Variants in KCNMA1 observed in about 807,000 individuals in gnomAD.
KCNMA1 encodes Calcium-activated potassium channel subunit alpha-1.
KCNMA1 carries 29 observed loss-of-function variants against 140.0 expected under a neutral mutation model. The observed-to-expected ratio is 0.21, with a 90% CI of 0.15 to 0.28. The LOEUF (loss-of-function observed/expected upper bound fraction) is 0.28, where lower values mean the gene tolerates loss of function less well. Among genes scored for constraint, KCNMA1 ranks in the 10% least tolerant of loss-of-function variants. The probability of loss-of-function intolerance (pLI) is 1.00; values close to 1 mark genes in which losing one functional copy is unlikely to be tolerated. For missense variants in KCNMA1, 880 were observed against 1,602.2 expected (o/e 0.55, Z 7.70); for synonymous variants, 612 against 611.9 (o/e 1.00, Z 0.00).
chr10:77,636,810 G>A, intron 1 of KCNMA1: 1 of 1,442,106 alleles, frequency 6.9e-7, no homozygotes, highest in South Asian at 1.5e-5. Context: ...TCCCCAACAG[G>A]TTCCTAAAGT....
intron 2 of KCNMA1, among the ~76,000 whole-genome samples, chr10:77,283,562 C>T (rs1421215121): frequency 6.6e-6 from 1 of 152,168 alleles, no homozygotes; most frequent in Non-Finnish European, 1.5e-5. Context: ...CTGTTGACAC[C>T]CCTATGGCTC....
intron 1 of KCNMA1, among the ~76,000 whole-genome samples, chr10:77,483,218 G>A (rs186145290): frequency 4.3e-4 from 66 of 152,212 alleles, no homozygotes; most frequent in Middle Eastern, 3.4e-3. Flanking sequence ...AATTGGCAGC[G>A]CCACTAACAG....
chr10:77,049,421 G>A (rs997090939), intron 14 of KCNMA1, among the ~76,000 whole-genome samples: 4 of 152,186 alleles, frequency 2.6e-5, no homozygotes, highest in African/African-American at 9.7e-5. Flanking sequence ...CTTAGTAAGT[G>A]CTCCATGTGT....
At chr10:76,969,852 C>T (rs1040757072) in intron 20 of KCNMA1, 122 bp downstream of exon 20, 2 of 758,654 alleles carry the variant, frequency 2.6e-6, no homozygotes, top group African/African-American at 3.4e-5. Context: ...GATCTCGCTC[C>T]CCTCCCCCAC....
At chr10:77,212,583 T>C (rs956166247) in intron 3 of KCNMA1, among the ~76,000 whole-genome samples, 3 of 152,178 alleles carry the variant, frequency 2.0e-5, no homozygotes, top group Non-Finnish European at 4.4e-5. Context: ...ATTAAAAATA[T>C]ATATTTTTAA....
At chr10:77,576,731 C>T (rs2074262136) in intron 1 of KCNMA1, among the ~76,000 whole-genome samples, 1 of 152,202 alleles carries the variant, frequency 6.6e-6, no homozygotes, top group Non-Finnish European at 1.5e-5. Context: ...TTCCCATCTG[C>T]AGGCCAGGGG....
intron 2 of KCNMA1, among the ~76,000 whole-genome samples, chr10:77,259,550 C>T (rs895393987): frequency 3.3e-5 from 5 of 152,122 alleles, no homozygotes; most frequent in African/African-American, 1.2e-4. Context: ...TGGTCTTTTC[C>T]TCCTCTCTGG....
intron 6 of KCNMA1, among the ~76,000 whole-genome samples, chr10:77,117,561 A>AAAAAGAAAAG (rs1554837395): frequency 2.0e-5 from 3 of 147,556 alleles, no homozygotes; most frequent in Admixed American, 6.7e-5. Context: ...AAAAAAAAAA[A>AAAAAGAAAAG]AAAAGAAAAG....
chr10:77,522,327 T>C (rs1603632482), intron 1 of KCNMA1, among the ~76,000 whole-genome samples: 1 of 152,014 alleles, frequency 6.6e-6, no homozygotes. Context: ...GCCTGAGATG[T>C]GCTTTCCCCC....
intron 2 of KCNMA1, among the ~76,000 whole-genome samples, chr10:77,363,638 C>A (rs2094146255): frequency 6.6e-6 from 1 of 152,256 alleles, no homozygotes; most frequent in African/African-American, 2.4e-5. Flanking sequence ...GCCCTCCTCT[C>A]CAGCCTCCTT....
chr10:77,354,741 A>G (rs186543274), intron 2 of KCNMA1: 2 of 152,222 alleles, frequency 1.3e-5, no homozygotes, highest in Admixed American at 1.3e-4. Flanking sequence ...AACTAAGAAG[A>G]GACTACAGAG....
Position 77,108,203 on chromosome 10 carries a change from G to T in KCNMA1, c.1223+278C>A. ...CTCACAGAAGCACCCGGTGGGGTTG[G>T]GGAGGGGCAGAATTCAGATGGCACC... On this transcript the variant is annotated intron_variant, in intron 9 of 27. Coordinates refer to ENST00000286628, the MANE Select transcript of KCNMA1 (RefSeq NM_001161352.2). The surrounding 1 kb of genome is among the most constrained non-coding windows in gnomAD (Gnocchi z 4.6). The T allele has an allele frequency of 2.7e-6, 3 of 1,098,854 alleles. No individual in the cohort carries two copies. Among genetic ancestry groups the T allele is most frequent in the Non-Finnish European group, 3.8e-6 (3 of 793,000 alleles). The allele number at this position is 1,098,854 out of a possible 1,614,324, so 68.1% of individuals were successfully genotyped here.
At chr10:76,939,087 G>A (rs983965044) in intron 23 of KCNMA1, 2 of 142,950 alleles carry the variant, frequency 1.4e-5, no homozygotes, top group African/African-American at 2.6e-5. Context: ...ATGCATTCAA[G>A]TCATCCACAG....
At chr10:77,205,968 T>C (rs1565206601) in intron 3 of KCNMA1, among the ~76,000 whole-genome samples, 1 of 152,196 alleles carries the variant, frequency 6.6e-6, no homozygotes, top group South Asian at 2.1e-4. Context: ...ATTATTTGTT[T>C]ATTATGAGCA....
intron 1 of KCNMA1, among the ~76,000 whole-genome samples, chr10:77,453,166 T>C (rs1245927877): frequency 6.6e-6 from 1 of 152,088 alleles, no homozygotes; most frequent in African/African-American, 2.4e-5. Context: ...GCATAGAGTC[T>C]AGCTTGGCCC....
Position 77,322,514 on chromosome 10 carries a change from A to G in KCNMA1, c.541-71258T>C, listed in dbSNP as rs376628870. Among the ~76,000 whole-genome samples the G allele has an allele frequency of 2.2e-4, 34 of 152,342 alleles. 1 individual carries two copies. The East Asian group carries it at 5.4e-3, about 24-fold the overall frequency. Reference sequence around the variant, plus strand: ...AAGTTTCCTCTCTTTTCTCTGTCCTATGACTATTCCAGGAGTGCCAGACAG... The same window carrying G: ...AAGTTTCCTCTCTTTTCTCTGTCCTGTGACTATTCCAGGAGTGCCAGACAG... On this transcript the variant is annotated intron_variant, in intron 2 of 27. Transcript: ENST00000286628.
At chr10:77,165,636 C>T (rs1409668568) in intron 5 of KCNMA1, among the ~76,000 whole-genome samples, 4 of 152,190 alleles carry the variant, frequency 2.6e-5, no homozygotes, top group Non-Finnish European at 4.4e-5. Context: ...CTCCTCTTAA[C>T]CTGCCCTGCA....
intron 1 of KCNMA1, among the ~76,000 whole-genome samples, chr10:77,407,091 G>T (rs2096492996): frequency 6.6e-6 from 1 of 152,140 alleles, no homozygotes; most frequent in Non-Finnish European, 1.5e-5. Context: ...CTTTATGATA[G>T]GCAAGGAAAA....
intron 1 of KCNMA1, among the ~76,000 whole-genome samples, chr10:77,629,767 G>A (rs1250662193): frequency 4.6e-5 from 7 of 152,074 alleles, no homozygotes; most frequent in Non-Finnish European, 1.0e-4. Flanking sequence ...CTGGCACATC[G>A]TATACACTTA....
Sources: allele counts gnomAD v4.1 joint callset (sites outside exome capture counted in the v4.1 genomes callset), GRCh38; gene constraint gnomAD v4.1.1; non-coding constraint Gnocchi (gnomAD v3.1); transcripts MANE v1.5; gene names NCBI Gene and HGNC (gene_info 2026-07-23, HGNC 2026-07-21).